Variants in TUT1 observed in about 807,000 individuals in gnomAD.
TUT1 encodes the protein speckle targeted PIP5K1A-regulated poly(A) polymerase.
A neutral mutation model predicts 48.8 loss-of-function variants in TUT1; 26 were observed. That is an observed-to-expected ratio of 0.53 (90% CI 0.39 to 0.74). The LOEUF (loss-of-function observed/expected upper bound fraction) is 0.74, where lower values mean the gene tolerates loss of function less well. Ranked by LOEUF, TUT1 falls within the 30% of genes least tolerant of loss-of-function variation. The probability of loss-of-function intolerance (pLI) is 0.00; values close to 1 mark genes in which losing one functional copy is unlikely to be tolerated. For missense variants in TUT1, 1,065 were observed against 1,114.8 expected, an observed-to-expected ratio of 0.96 and a Z score of 0.64; for synonymous variants, 470 against 460.8, an observed-to-expected ratio of 1.02 and a Z score of -0.26.
At chr11:62,586,318 T>G (rs978068244) in intron 2 of TUT1, among the ~76,000 whole-genome samples, 4 of 152,148 alleles carry the variant, frequency 2.6e-5, no homozygotes, top group Admixed American at 2.0e-4. Flanking sequence ...AAACTGAAAC[T>G]CAAAGAGGTT....
rs1941777626 is a variant in TUT1 at position 62,578,895 on chromosome 11, G to C, written c.826C>G (p.Leu276Val). 1 of 1,602,314 alleles carries C rather than the reference G, an allele frequency of 6.2e-7. No homozygotes were observed. The highest frequency in any genetic ancestry group is 8.5e-7 in the Non-Finnish European group (1 of 1,173,706). Residue 276 changes from leucine to valine, a missense_variant, in exon 5 of 9, where the codon CTG becomes GTG. Coordinates refer to ENST00000476907, the MANE Select transcript of TUT1 (RefSeq NM_022830.3). ...PPASPQDSEA[L>V]DFETPSSSLA... Reference sequence around the variant, plus strand: ...GAGGAGGAAGGGGTTTCAAAGTCCAGGGCTTCAGAATCCTGGGGAGAAGCA... The same window carrying C: ...GAGGAGGAAGGGGTTTCAAAGTCCACGGCTTCAGAATCCTGGGGAGAAGCA...
At position 62,576,492 on chromosome 11, in the gene TUT1, A is replaced by AT. The variant is rs1271103263; in HGVS notation, c.1474+164dup. 23 of 795,690 alleles carry AT rather than the reference A, an allele frequency of 2.9e-5. No individual in the cohort carries two copies. In the East Asian group the frequency reaches 5.9e-4, roughly 20 times the overall value. 49.3% of individuals were successfully genotyped at this position (795,690 alleles called of 1,614,324 possible). ...AGTGTAACCTTGGGCAAGTCACTTA[A>AT]TTGCTCCCAAACATGGTTTCTTCAT... On this transcript the variant is annotated intron_variant, in intron 8 of 8. Transcript: ENST00000476907.
chr11:62,579,116 A>G, intron 4 of TUT1, 86 bp from the exon 5 acceptor site: 1 of 1,064,684 alleles, frequency 9.4e-7, no homozygotes, highest in Non-Finnish European at 1.3e-6. Context: ...CAGCTTATTC[A>G]GCTCTATTCT....
chr11:62,589,213 G>C lies in TUT1; in HGVS notation c.91C>G (p.Leu31Val). The C allele has an allele frequency of 6.2e-7, 1 of 1,614,014 alleles. No homozygotes were observed. The stretch of plus-strand genomic sequence containing the variant: ...TTTCTGCCTCCCAAGTGGGCATCAA[G>C]GCTGGGTCCTGCAAAGACAAGTGTG... ...CHVTTANRPSLDAHLGGRKHR... is the reference protein window; with the variant it reads ...CHVTTANRPSVDAHLGGRKHR... The change falls in exon 2 of 9, where the codon CTT becomes GTT. Residue 31 changes from leucine (L) to valine (V), a missense_variant. Coordinates refer to ENST00000476907, the MANE Select transcript of TUT1 (RefSeq NM_022830.3).
chr11:62,589,858 G>A (rs1402040426), intron 1 of TUT1, among the ~76,000 whole-genome samples: 2 of 152,180 alleles, frequency 1.3e-5, no homozygotes, highest in Admixed American at 1.3e-4. Flanking sequence ...TCAAATCCCA[G>A]CTCTGTCAAC....
chr11:62,584,303 T>C (rs1941875085), intron 2 of TUT1, among the ~76,000 whole-genome samples: 1 of 152,020 alleles, frequency 6.6e-6, no homozygotes, highest in Non-Finnish European at 1.5e-5. Context: ...AATTTTTGTA[T>C]TTTTAATAGA....
At chr11:62,576,863 G>A (rs1041547753) in intron 7 of TUT1, 44 bp downstream of exon 7, 30 of 1,603,220 alleles carry the variant, frequency 1.9e-5, no homozygotes, top group Non-Finnish European at 2.4e-5. Flanking sequence ...GAAGAAGAGA[G>A]AGGAAACTAA....
At chr11:62,581,298 A>G (rs1941820768) in intron 3 of TUT1, 88 bp downstream of exon 3, 1 of 1,561,366 alleles carries the variant, frequency 6.4e-7, no homozygotes, top group Non-Finnish European at 8.8e-7. Flanking sequence ...GAGCAACCAA[A>G]CACCTCTAGC....
chr11:62,584,586 G>A (rs1231915608), intron 2 of TUT1, among the ~76,000 whole-genome samples: 1 of 150,556 alleles, frequency 6.6e-6, no homozygotes, highest in Non-Finnish European at 1.5e-5. Context: ...AGGATTATAG[G>A]TGCCCACCAC....
chr11:62,586,248 G>A (rs1941912693), intron 2 of TUT1, among the ~76,000 whole-genome samples: 1 of 152,238 alleles, frequency 6.6e-6, no homozygotes, highest in Non-Finnish European at 1.5e-5. Context: ...CACAAACGAT[G>A]TCTGAGGCTC....
At chr11:62,581,979 CT>C (rs1390234326) in intron 2 of TUT1, among the ~76,000 whole-genome samples, 12 of 151,814 alleles carry the variant, frequency 7.9e-5, no homozygotes, top group Non-Finnish European at 1.6e-4. Context: ...GATCCCATCT[CT>C]ACAAACAATT....
intron 2 of TUT1, chr11:62,582,419 CA>C (rs1248579028): frequency 0.042 from 9,838 of 231,706 alleles, no homozygotes; most frequent in South Asian, 0.092. Flanking sequence ...CACCCTGTCT[CA>C]AAAAAAAAAA....
intron 2 of TUT1, among the ~76,000 whole-genome samples, chr11:62,587,344 G>A (rs1380359772): frequency 3.3e-5 from 5 of 152,040 alleles, no homozygotes; most frequent in Admixed American, 6.5e-5. Context: ...ACCACGCCCC[G>A]CTAATTTTGT....
rs1429116273 is a variant in TUT1 at position 62,581,718 on chromosome 11, G to A, written c.274-17C>T. 4.9e-6 allele frequency: 7 copies of A among 1,414,232 alleles called. No homozygotes were observed. Among genetic ancestry groups the A allele is most frequent in the African/African-American group, 4.4e-5 (3 of 68,204 alleles). 87.6% of individuals were successfully genotyped at this position (1,414,232 alleles called of 1,614,324 possible). A position where few individuals can be genotyped will look rare whatever the true frequency, so the allele number is the denominator to read the frequency against. ...AAACACTCCCTGGTAAACAACAGGG[G>A]CAGAGATGATGATTTTGGAACCAAG... On this transcript the variant is annotated splice_polypyrimidine_tract_variant and intron_variant, in intron 2 of 8. Coordinates refer to ENST00000476907, the MANE Select transcript of TUT1 (RefSeq NM_022830.3).
At chr11:62,588,641 T>A (rs1316691918) in intron 2 of TUT1, among the ~76,000 whole-genome samples, 1 of 152,210 alleles carries the variant, frequency 6.6e-6, no homozygotes, top group Non-Finnish European at 1.5e-5. Flanking sequence ...AGGAACCAGC[T>A]CAAAGAGGCT....
At chr11:62,587,971 T>C (rs1382231515) in intron 2 of TUT1, among the ~76,000 whole-genome samples, 1 of 152,244 alleles carries the variant, frequency 6.6e-6, no homozygotes, top group Non-Finnish European at 1.5e-5. Flanking sequence ...GTTAATAAAC[T>C]GCTAACTGGT....
At position 62,581,399 on chromosome 11, in the gene TUT1, T is replaced by C; in HGVS notation, c.576A>G (p.Thr192=). ...GAGGTAACTTACCAGGGAAGAACTCTGTGAAGACCTCCTGCATCAGGGCCA... is the reference window on the plus strand; with the variant it reads ...GAGGTAACTTACCAGGGAAGAACTCCGTGAAGACCTCCTGCATCAGGGCCA... ...LVVALMQEVF[T]EFFPGCVVHP... is the part of the protein sequence containing the mutation. Residue 192 remains threonine, a synonymous_variant, in exon 3 of 9, where the codon ACA becomes ACG. Transcript: ENST00000476907. The C allele has an allele frequency of 6.2e-7, 1 of 1,603,610 alleles. No homozygotes were observed. Among genetic ancestry groups the C allele is most frequent in the Non-Finnish European group, 8.5e-7 (1 of 1,175,518 alleles).
chr11:62,583,875 A>G (rs989066176), intron 2 of TUT1, among the ~76,000 whole-genome samples: 22 of 152,206 alleles, frequency 1.4e-4, no homozygotes, highest in African/African-American at 5.3e-4. Context: ...GGGAAAGAAC[A>G]GTCTTGTCAA....
intron 1 of TUT1, among the ~76,000 whole-genome samples, chr11:62,590,708 G>A (rs1941996685): frequency 6.6e-6 from 1 of 151,612 alleles, no homozygotes; most frequent in South Asian, 2.1e-4. Context: ...AACTACTTGG[G>A]AGGCTAGCCA....
Sources: gnomAD v4.1 joint callset for allele counts (sites outside exome capture counted in the v4.1 genomes callset) on GRCh38, gnomAD v4.1.1 for gene constraint, MANE v1.5 for transcripts, NCBI Gene and HGNC (gene_info 2026-07-23, HGNC 2026-07-21) for gene names.